The following CCDC138 variants were observed in gnomAD, a reference collection of about 807,000 sequenced individuals.
CCDC138 encodes the protein coiled-coil domain containing 138, also known as coiled-coil domain-containing protein 138.
A neutral mutation model predicts 82.3 loss-of-function variants in CCDC138; 66 were observed. The ratio of observed to expected loss-of-function variants is 0.80; its 90% CI spans 0.66 to 0.98. CCDC138 has a LOEUF of 0.98. Among genes scored for constraint, CCDC138 ranks in the 50% least tolerant of loss-of-function variants. CCDC138 has a pLI of 0.00. For missense variants in CCDC138, 816 were observed against 758.9 expected (o/e 1.08, Z -0.88); for synonymous variants, 297 against 265.4 (o/e 1.12, Z -1.16).
intron 2 of CCDC138, chr2:108,885,073 G>A (rs1334832212): frequency 6.6e-6 from 1 of 152,252 alleles, no homozygotes; most frequent in South Asian, 2.1e-4. Context: ...TTTAGCTCAT[G>A]TAATTACTAA....
At chr2:108,787,002 C>T in intron 1 of CCDC138, 87 bp downstream of exon 1, 10 of 889,556 alleles carry the variant, frequency 1.1e-5, no homozygotes, top group Non-Finnish European at 1.4e-5. Flanking sequence ...CCTGGGGGCG[C>T]GCAGCGGCTC....
At chr2:108,834,048 T>C (rs56409908) in intron 10 of CCDC138, among the ~76,000 whole-genome samples, 108,002 of 150,594 alleles carry the variant, frequency 0.72, 41,649 homozygotes, top group East Asian at 0.9. Context: ...GCCCAGCCAA[T>C]GTGGAGTAAA....
Position 108,860,935 on chromosome 2 carries a change from C to CTTTTTTGTTTTTTTTTTT in CCDC138, c.1693+3971_1693+3972insGTTTTTTTTTTTTTTTTT, listed in dbSNP as rs1693479317. On this transcript the variant is annotated intron_variant, in intron 13 of 14. Transcript: ENST00000295124. ...GGCTGTGAATCCATCTGGTCCAGGA[C>CTTTTTTGTTTTTTTTTTT]TTTTTTTTTTTTTTTTTTTTTTTGG... is the stretch of plus-strand genomic sequence containing the variant. Among the ~76,000 whole-genome samples the CTTTTTTGTTTTTTTTTTT allele has an allele frequency of 7.9e-5, 3 of 37,914 alleles. 1 individual carries two copies. The highest frequency in any genetic ancestry group is 1.0e-3 in the Admixed American group (2 of 1,986). 24.9% of individuals were successfully genotyped at this position (37,914 alleles called of 152,430 possible). A position where few individuals can be genotyped will look rare whatever the true frequency, so the allele number is the denominator to read the frequency against.
At chr2:108,840,006 A>G (rs912129447) in intron 11 of CCDC138, among the ~76,000 whole-genome samples, 6 of 152,076 alleles carry the variant, frequency 3.9e-5, no homozygotes, top group African/African-American at 1.4e-4. Context: ...TAGTATTTTC[A>G]TAGATACTTT....
intron 11 of CCDC138, among the ~76,000 whole-genome samples, chr2:108,843,844 T>TGTGTGTGTGTG (rs1689930793): frequency 2.2e-4 from 5 of 22,838 alleles, no homozygotes; most frequent in Admixed American, 1.8e-3. Flanking sequence ...AGTTCATGTT[T>TGTGTGTGTGTG]TGTGTGTGTG....
At chr2:108,797,685 G>A (rs1681132619) in intron 5 of CCDC138, among the ~76,000 whole-genome samples, 1 of 152,156 alleles carries the variant, frequency 6.6e-6, no homozygotes, top group East Asian at 1.9e-4. Context: ...GGAGAAGCAT[G>A]TATATATGTA....
intron 11 of CCDC138, among the ~76,000 whole-genome samples, chr2:108,842,377 C>A (rs980734321): frequency 6.6e-6 from 1 of 152,022 alleles, no homozygotes; most frequent in Non-Finnish European, 1.5e-5. Flanking sequence ...CTGGGAGTTA[C>A]ATGGCAAACC....
chr2:108,793,722 G>T (rs937815397), intron 4 of CCDC138, among the ~76,000 whole-genome samples: 2 of 151,542 alleles, frequency 1.3e-5, no homozygotes, highest in East Asian at 3.9e-4. Context: ...TCAGCCTCCC[G>T]AGTAGCTGGG....
In CCDC138 at chr2:108,788,041, TCAAA is replaced by T. The variant is rs1161976747; in HGVS notation, c.104_107del (p.Ser35PhefsTer12). ...TTCTTTTTTTTTTTAGTATGATTTTTCAAATTTTTATCAGTCTAAGTATAAGAGA... is the reference window on the plus strand; with the variant it reads ...TTCTTTTTTTTTTTAGTATGATTTTTTTTTTATCAGTCTAAGTATAAGAGA... On this transcript the variant is annotated frameshift_variant, in exon 2 of 15. Transcript: ENST00000295124. LOFTEE classifies it high-confidence loss of function. The T allele has an allele frequency of 6.4e-7, 1 of 1,570,312 alleles. No homozygotes were observed. The highest frequency in any genetic ancestry group is 8.6e-7 in the Non-Finnish European group (1 of 1,160,014).
At chr2:108,823,593 G>A (rs201652985) in intron 10 of CCDC138, among the ~76,000 whole-genome samples, 1 of 152,230 alleles carries the variant, frequency 6.6e-6, no homozygotes, top group East Asian at 1.9e-4. Context: ...CATTTGCTAT[G>A]CAGAATATCT....
intron 12 of CCDC138, among the ~76,000 whole-genome samples, chr2:108,856,258 T>G (rs2104622122): frequency 6.6e-6 from 1 of 151,684 alleles, no homozygotes; most frequent in South Asian, 2.1e-4. Flanking sequence ...ATGGCAGATG[T>G]ATCATGAAAA....
chr2:108,857,840 A>C (rs1293457728), intron 13 of CCDC138, among the ~76,000 whole-genome samples: 2 of 152,248 alleles, frequency 1.3e-5, no homozygotes, highest in Non-Finnish European at 2.9e-5. Context: ...ATCATACCAG[A>C]TGCAAATGTG....
At chr2:108,869,074 A>G (rs550619317) in intron 13 of CCDC138, among the ~76,000 whole-genome samples, 2 of 152,214 alleles carry the variant, frequency 1.3e-5, no homozygotes, top group African/African-American at 2.4e-5. Context: ...AATATTGTAC[A>G]TGCTCAAGCA....
In CCDC138 at chr2:108,861,773, G is replaced by A. The variant is rs866994404; in HGVS notation, c.1693+4803G>A. ...TGGGATTACAGGCGTGAGCCACCGCGCCCGGCCTAAACCTCGGCCTCCCAA... is the reference window on the plus strand; with the variant it reads ...TGGGATTACAGGCGTGAGCCACCGCACCCGGCCTAAACCTCGGCCTCCCAA... On this transcript the variant is annotated intron_variant, in intron 13 of 14. Transcript: ENST00000295124. Among the ~76,000 whole-genome samples, 9 of 152,206 alleles carry A rather than the reference G, an allele frequency of 5.9e-5. No homozygotes were observed. In the South Asian group the frequency reaches 8.3e-4, roughly 14 times the overall value.
At position 108,794,694 on chromosome 2, in the gene CCDC138, A is replaced by G; in HGVS notation, c.549A>G (p.Glu183=). ...LPHQISQIYD[E]LFQIHLKLQC... ...ATCAGATCAGTCAGATATATGACGA[A>G]TTATTTCAGATACATCTGAAATTGC... is the stretch of plus-strand genomic sequence containing the variant. The change falls in exon 5 of 15, where the codon GAA becomes GAG. Residue 183 remains glutamate (E), a synonymous_variant. Transcript: ENST00000295124. 1 of 1,612,670 alleles carries G rather than the reference A, an allele frequency of 6.2e-7. No homozygotes were observed. Among genetic ancestry groups the G allele is most frequent in the Non-Finnish European group, 8.5e-7 (1 of 1,179,360 alleles).
chr2:108,819,472 C>T (rs751094078), intron 10 of CCDC138, among the ~76,000 whole-genome samples: 63 of 152,180 alleles, frequency 4.1e-4, no homozygotes, highest in South Asian at 1.2e-3. Context: ...CTGCAGGAAA[C>T]AGAAGTGATT....
intron 11 of CCDC138, among the ~76,000 whole-genome samples, chr2:108,840,516 C>G (rs1470225442): frequency 6.6e-6 from 1 of 152,060 alleles, no homozygotes; most frequent in Non-Finnish European, 1.5e-5. Flanking sequence ...AGTTACAGGG[C>G]TGTTCTAGTT....
chr2:108,791,335 T>C (rs1404954843), intron 3 of CCDC138, among the ~76,000 whole-genome samples: 3 of 152,200 alleles, frequency 2.0e-5, no homozygotes, highest in African/African-American at 7.2e-5. Context: ...AGGTTTAGTT[T>C]ACTTATGTAT....
At chr2:108,827,523 A>G (rs1157557035) in intron 10 of CCDC138, among the ~76,000 whole-genome samples, 1 of 152,234 alleles carries the variant, frequency 6.6e-6, no homozygotes, top group Non-Finnish European at 1.5e-5. Context: ...ATGTAACAAT[A>G]AAAATGATTT....
Sources: gnomAD v4.1 joint callset for allele counts (sites outside exome capture counted in the v4.1 genomes callset) on GRCh38, gnomAD v4.1.1 for gene constraint, MANE v1.5 for transcripts, NCBI Gene and HGNC (gene_info 2026-07-23, HGNC 2026-07-21) for gene names.